NOXO1: variants seen among roughly 807,000 people sequenced by gnomAD.
NOXO1 encodes NADPH oxidase organizer 1, also known as NADPH oxidase regulatory protein.
Under a neutral mutation model 33.3 loss-of-function variants are expected in NOXO1, and 38 were observed. The observed-to-expected ratio is 1.14, with a 90% CI of 0.88 to 1.50. The LOEUF (loss-of-function observed/expected upper bound fraction) is 1.50, where lower values mean the gene tolerates loss of function less well. Ranked by LOEUF, NOXO1 falls within the 40% of genes most tolerant of loss-of-function variation. The pLI is 0.00. For missense variants in NOXO1, 675 were observed against 527.1 expected, an observed-to-expected ratio of 1.28 and a Z score of -2.75; for synonymous variants, 302 against 237.3, an observed-to-expected ratio of 1.27 and a Z score of -2.51.
chr16:1,981,365 G>C lies in NOXO1; in HGVS notation c.-186C>G. 7.2e-7 allele frequency: 1 copy of C among 1,395,686 alleles called. No homozygotes were observed. The highest frequency in any genetic ancestry group is 1.4e-5 in the African/African-American group (1 of 69,110). The allele number at this position is 1,395,686 out of a possible 1,614,324, so 86.5% of individuals were successfully genotyped here. A position where few individuals can be genotyped will look rare whatever the true frequency, so the allele number is the denominator to read the frequency against. On this transcript the variant is annotated 5_prime_UTR_variant, in exon 1 of 8. Transcript: ENST00000356120. ...TTGCAGCTTTCTTGCTGTCCCCCAA[G>C]CCCACGATCTGGGGGCAGGAGCACA...
rs1274260295 is a variant in NOXO1 at position 1,981,377 on chromosome 16, G to A, written c.-198C>T. 7.4e-7 allele frequency: 1 copy of A among 1,357,330 alleles called. No individual in the cohort carries two copies. The highest frequency in any genetic ancestry group is 1.5e-5 in the African/African-American group (1 of 68,278). 84.1% of individuals were successfully genotyped at this position (1,357,330 alleles called of 1,614,324 possible). On this transcript the variant is annotated 5_prime_UTR_variant, in exon 1 of 8. Transcript: ENST00000356120. ...TGCTGTCCCCCAAGCCCACGATCTG[G>A]GGGCAGGAGCACAGGGATTGGGGGA...
At position 1,980,097 on chromosome 16, in the gene NOXO1, GCT is replaced by G. The variant is rs776994085; in HGVS notation, c.484_485del (p.Ser162ProfsTer15). On this transcript the variant is annotated frameshift_variant, in exon 5 of 8. Coordinates refer to ENST00000356120, the MANE Select transcript of NOXO1 (RefSeq NM_172167.3). LOFTEE classifies it high-confidence loss of function. ...TACAGAAGGGCTGCAGGCAGCGCAGGCTCTGAGCCTCCAGACTGTGGATGGAG... is the reference window on the plus strand; with the variant it reads ...TACAGAAGGGCTGCAGGCAGCGCAGGCTGAGCCTCCAGACTGTGGATGGAG... The part of the protein sequence containing the change: ...RLSIHSLEAQ[S>X]LRCLQPFCTQ... The G allele has an allele frequency of 6.2e-6, 10 of 1,607,758 alleles. No individual in the cohort carries two copies. The South Asian group carries it at 1.1e-4, about 18-fold the overall frequency.
At position 1,979,110 on chromosome 16, in the gene NOXO1, C is replaced by G. The variant is rs560338082; in HGVS notation, c.1058G>C (p.Arg353Pro). 5 of 1,490,268 alleles carry G rather than the reference C, an allele frequency of 3.4e-6. No individual in the cohort carries two copies. Among genetic ancestry groups the G allele is most frequent in the Non-Finnish European group, 4.4e-6 (5 of 1,135,172 alleles). The allele number at this position is 1,490,268 out of a possible 1,614,324, so 92.3% of individuals were successfully genotyped here. Reference protein sequence around the residue: ...TRRALERRPRRQGRPRGCVDS... With the variant: ...TRRALERRPRPQGRPRGCVDS... Reference sequence around the variant, plus strand: ...CACGCACCCTCGAGGGCGGCCCTGGCGCCGTGGGCGCCGCTCCAGGGCCCT... The same window carrying G: ...CACGCACCCTCGAGGGCGGCCCTGGGGCCGTGGGCGCCGCTCCAGGGCCCT... Residue 353 changes from arginine (R) to proline (P), a missense_variant, in exon 8 of 8, where the codon CGC becomes CCC. Transcript: ENST00000356120.
In NOXO1 at chr16:1,980,419, C is replaced by T; in HGVS notation, c.349G>A (p.Gly117Ser). 1 of 1,602,866 alleles carries T rather than the reference C, an allele frequency of 6.2e-7. No homozygotes were observed. The highest frequency in any genetic ancestry group is 8.5e-7 in the Non-Finnish European group (1 of 1,179,840). ...TCCAGGGGTTGCGGTGCGAAGAAGC[C>T]AGTGATCGTCGGGCTCCGTGCCACG... The part of the protein sequence containing the change: ...ERVARSPTIT[G>S]FFAPQPLDLE... Residue 117 changes from glycine to serine, a missense_variant, in exon 4 of 8, where the codon GGC (glycine) becomes AGC (serine). Coordinates refer to ENST00000356120, the MANE Select transcript of NOXO1 (RefSeq NM_172167.3).
At position 1,981,237 on chromosome 16, in the gene NOXO1, G is replaced by A. The variant is rs2083504182; in HGVS notation, c.-58C>T. On this transcript the variant is annotated 5_prime_UTR_variant, in exon 1 of 8. The change creates a new upstream start codon in the 5' untranslated region. Transcript: ENST00000356120. Reference sequence around the variant, plus strand: ...TGGGCGAGGACCCTTCTGCCTCCCCGTGCTTGAGAGGGCTCTGGGGGACCC... The same window carrying A: ...TGGGCGAGGACCCTTCTGCCTCCCCATGCTTGAGAGGGCTCTGGGGGACCC... 8 of 1,608,688 alleles carry A rather than the reference G, an allele frequency of 5.0e-6. No individual in the cohort carries two copies. The Admixed American group carries it at 5.0e-5, about 10-fold the overall frequency.
intron 4 of NOXO1, 47 bp from the exon 5 acceptor site, chr16:1,980,228 G>C: frequency 1.9e-6 from 3 of 1,549,392 alleles, no homozygotes; most frequent in South Asian, 1.2e-5. Context: ...GATGGGGAGG[G>C]TGAAACTGGG....
At position 1,979,432 on chromosome 16, in the gene NOXO1, G is replaced by A. The variant is rs756925016; in HGVS notation, c.811C>T (p.Leu271=). The A allele has an allele frequency of 6.8e-6, 11 of 1,608,906 alleles. No individual in the cohort carries two copies. Among genetic ancestry groups the A allele is most frequent in the African/African-American group, 1.3e-5 (1 of 74,894 alleles). Residue 271 remains leucine (L), a synonymous_variant, in exon 7 of 8, where the codon CTA becomes TTA. Coordinates refer to ENST00000356120, the MANE Select transcript of NOXO1 (RefSeq NM_172167.3). ...ACGCCCGCTCCCGCGTACCTGCATA[G>A]CCACCAGCCGCGGTCTGACGTTTCC... ...VLETSDRGWW[L]CRYGDRAGLL... is the part of the protein sequence containing the mutation.
In NOXO1 at chr16:1,979,490, C is replaced by T. The variant is rs746033445; in HGVS notation, c.753G>A (p.Leu251=). 2 of 1,611,946 alleles carry T rather than the reference C, an allele frequency of 1.2e-6. No homozygotes were observed. Among genetic ancestry groups the T allele is most frequent in the Non-Finnish European group, 1.7e-6 (2 of 1,179,576 alleles). Residue 251 remains leucine (L), a synonymous_variant, in exon 7 of 8, where the codon CTG becomes CTA. Coordinates refer to ENST00000356120, the MANE Select transcript of NOXO1 (RefSeq NM_172167.3). ...GCACGCGCGCCCCCGCGGGCACGGA[C>T]AGCTCATCTGCGCGGCTGCTCTCGT... is the stretch of plus-strand genomic sequence containing the variant. ...RAYESSRADE[L]SVPAGARVRV...
chr16:1,980,355 C>T lies in NOXO1; in HGVS notation c.401+12G>A. On this transcript the variant is annotated intron_variant, in intron 4 of 7. Transcript: ENST00000356120. ...GCCGCTGCATGCTGGGAGTTTGGGGCGAGTCAGGCACCTGCCGGGTGGCAG... is the reference window on the plus strand; with the variant it reads ...GCCGCTGCATGCTGGGAGTTTGGGGTGAGTCAGGCACCTGCCGGGTGGCAG... The T allele has an allele frequency of 1.9e-6, 3 of 1,595,624 alleles. No individual in the cohort carries two copies. Among genetic ancestry groups the T allele is most frequent in the Non-Finnish European group, 2.5e-6 (3 of 1,176,556 alleles).
At position 1,981,200 on chromosome 16, in the gene NOXO1, A is replaced by G; in HGVS notation, c.-21T>C. 1 of 1,613,376 alleles carries G rather than the reference A, an allele frequency of 6.2e-7. No individual in the cohort carries two copies. Among genetic ancestry groups the G allele is most frequent in the African/African-American group, 1.3e-5 (1 of 75,058 alleles). ...GCCATGGCTGTGGCTTCCAGGCTGC[A>G]GATTCCTGAAATGGGCGAGGACCCT... On this transcript the variant is annotated 5_prime_UTR_variant, in exon 1 of 8. Transcript: ENST00000356120.
At position 1,980,554 on chromosome 16, in the gene NOXO1, C is replaced by A. The variant is rs1457407808; in HGVS notation, c.224-10G>T. 1 of 1,599,212 alleles carries A rather than the reference C, an allele frequency of 6.3e-7. No homozygotes were observed. The highest frequency in any genetic ancestry group is 8.5e-7 in the Non-Finnish European group (1 of 1,173,480). On this transcript the variant is annotated splice_polypyrimidine_tract_variant and intron_variant, in intron 3 of 7. Transcript: ENST00000356120. ...CCCAACAGTGGTGCATCTTAAGGCACCACAAAAACGTACTGTGATACGCCG... is the reference window on the plus strand; with the variant it reads ...CCCAACAGTGGTGCATCTTAAGGCAACACAAAAACGTACTGTGATACGCCG...
intron 1 of NOXO1, 22 bp from the exon 2 acceptor site, chr16:1,981,041 G>T (rs1158269289): frequency 6.2e-7 from 1 of 1,612,660 alleles, no homozygotes. Flanking sequence ...AAAGTTGGGA[G>T]TGCCGTGGAG....
In NOXO1 at chr16:1,979,092, C is replaced by A; in HGVS notation, c.1076G>T (p.Gly359Val). ...GGGGTGCGGCACAGAGTCCACGCACCCTCGAGGGCGGCCCTGGCGCCGTGG... is the reference window on the plus strand; with the variant it reads ...GGGGTGCGGCACAGAGTCCACGCACACTCGAGGGCGGCCCTGGCGCCGTGG... ...RRPRRQGRPR[G>V]CVDSVPHPTT... The change falls in exon 8 of 8, where the codon GGG (glycine) becomes GTG (valine). Residue 359 changes from glycine to valine, a missense_variant. Transcript: ENST00000356120. 1.3e-6 allele frequency: 2 copies of A among 1,510,806 alleles called. No homozygotes were observed. The highest frequency in any genetic ancestry group is 1.7e-6 in the Non-Finnish European group (2 of 1,144,848). The allele number at this position is 1,510,806 out of a possible 1,614,324, so 93.6% of individuals were successfully genotyped here.
Position 1,981,458 on chromosome 16 carries a change from G to A in NOXO1, c.-279C>T. ...AAGAATGAGCTTTCCAGCCCTGGAGGCGTGCAAGACTGAAGAAGGGGCGAA... is the reference window on the plus strand; with the variant it reads ...AAGAATGAGCTTTCCAGCCCTGGAGACGTGCAAGACTGAAGAAGGGGCGAA... On this transcript the variant is annotated 5_prime_UTR_variant, in exon 1 of 8. Transcript: ENST00000356120. 1 of 714,470 alleles carries A rather than the reference G, an allele frequency of 1.4e-6. No individual in the cohort carries two copies. Among genetic ancestry groups the A allele is most frequent in the Non-Finnish European group, 2.2e-6 (1 of 460,614 alleles). The allele number at this position is 714,470 out of a possible 1,614,324, so 44.3% of individuals were successfully genotyped here.
chr16:1,980,159 C>T lies in NOXO1; in HGVS notation c.424G>A (p.Glu142Lys). The part of the protein sequence containing the change: ...PGSRVILPTP[E>K]EQPLSRAAGR... ...GCAGCGCGAGAAAGAGGCTGCTCCT[C>T]TGGGGTGGGCAGGATCACCCGGCTG... Residue 142 changes from glutamate (E) to lysine (K), a missense_variant, in exon 5 of 8, where the codon GAG (glutamate) becomes AAG (lysine). Coordinates refer to ENST00000356120, the MANE Select transcript of NOXO1 (RefSeq NM_172167.3). 2 of 1,603,632 alleles carry T rather than the reference C, an allele frequency of 1.2e-6. No homozygotes were observed. The highest frequency in any genetic ancestry group is 1.7e-6 in the Non-Finnish European group (2 of 1,177,682).
Position 1,979,537 on chromosome 16 carries a change from G to A in NOXO1, c.706C>T (p.Gln236Ter), listed in dbSNP as rs199563940. ...TCGTAGGCGCGGGAAGCACAGAACT[G>A]GGGACCTGGTGGGAGTGGGTGTTTG... Reference protein sequence around the residue: ...GGPSLGSSGPQFCASRAYESS... With the variant: ...GGPSLGSSGP Residue 236 changes from glutamine to a stop codon, truncating the protein, a stop_gained, in exon 7 of 8, where the codon CAG becomes TAG. Transcript: ENST00000356120. LOFTEE classifies it high-confidence loss of function. 1.9e-4 allele frequency: 298 copies of A among 1,609,342 alleles called. No individual in the cohort carries two copies. The highest frequency in any genetic ancestry group is 2.3e-4 in the Non-Finnish European group (274 of 1,177,858).
At position 1,979,025 on chromosome 16, in the gene NOXO1, T is replaced by C; in HGVS notation, c.*27A>G. 1 of 1,529,102 alleles carries C rather than the reference T, an allele frequency of 6.5e-7. No individual in the cohort carries two copies. Among genetic ancestry groups the C allele is most frequent in the Non-Finnish European group, 8.7e-7 (1 of 1,145,782 alleles). The allele number at this position is 1,529,102 out of a possible 1,614,324, so 94.7% of individuals were successfully genotyped here. On this transcript the variant is annotated 3_prime_UTR_variant, in exon 8 of 8. Transcript: ENST00000356120. Reference sequence around the variant, plus strand: ...CCTCCCCAGCCCTGGGATGGCGCGGTCCATCCCCTCATCGGGATCCTCGCG... The same window carrying C: ...CCTCCCCAGCCCTGGGATGGCGCGGCCCATCCCCTCATCGGGATCCTCGCG...
chr16:1,980,874 C>T, intron 2 of NOXO1, 65 bp downstream of exon 2: 1 of 1,160,246 alleles, frequency 8.6e-7, no homozygotes, highest in South Asian at 2.0e-5. Flanking sequence ...GGGAGGCAGT[C>T]CAGTGGGAGG....
At chr16:1,979,640 C>T (rs1453661152) in intron 6 of NOXO1, 98 bp from the exon 7 acceptor site, 2 of 1,292,088 alleles carry the variant, frequency 1.5e-6, no homozygotes, top group Middle Eastern at 1.9e-4. Flanking sequence ...CTGCTGACGG[C>T]GGGGCCGCTC....
Sources: gnomAD v4.1 joint callset for allele counts on GRCh38, gnomAD v4.1.1 for gene constraint, MANE v1.5 for transcripts, NCBI Gene and HGNC (gene_info 2026-07-23, HGNC 2026-07-21) for gene names.